Variants in PALM2AKAP2 observed in about 807,000 individuals in gnomAD.
PALM2AKAP2 encodes the protein PALM2 and AKAP2 fusion, also known as PALM2-AKAP2 fusion protein.
Under a neutral mutation model 71.5 loss-of-function variants are expected in PALM2AKAP2, and 37 were observed. The ratio of observed to expected loss-of-function variants is 0.52; its 90% CI spans 0.40 to 0.68. The LOEUF (loss-of-function observed/expected upper bound fraction) is 0.68, where lower values mean the gene tolerates loss of function less well. Ranked by LOEUF, PALM2AKAP2 falls within the 30% of genes least tolerant of loss-of-function variation. The pLI is 0.00. For missense variants in PALM2AKAP2, 1,224 were observed against 1,191.8 expected (o/e 1.03, Z -0.40); for synonymous variants, 468 against 478.8 (o/e 0.98, Z 0.29).
intron 1 of PALM2AKAP2, among the ~76,000 whole-genome samples, chr9:109,751,152 C>T (rs1019960055): frequency 6.6e-6 from 1 of 152,122 alleles, no homozygotes; most frequent in Non-Finnish European, 1.5e-5. Context: ...GTATTCCACT[C>T]AGAAAATGTC....
intron 3 of PALM2AKAP2, among the ~76,000 whole-genome samples, chr9:109,911,590 C>CT (rs1473539966): frequency 1.3e-5 from 2 of 152,136 alleles, no homozygotes; most frequent in African/African-American, 2.4e-5. Context: ...CAATATTGTT[C>CT]TTTTTTCTCA....
At chr9:109,698,660 C>T (rs1252319309) in intron 1 of PALM2AKAP2, among the ~76,000 whole-genome samples, 1 of 152,194 alleles carries the variant, frequency 6.6e-6, no homozygotes, top group African/African-American at 2.4e-5. Flanking sequence ...TCACTCCCGC[C>T]ACATTGGTAT....
Position 110,065,436 on chromosome 9 carries a change from A to G in PALM2AKAP2, c.156+16581A>G, listed in dbSNP as rs151067204. Among the ~76,000 whole-genome samples, 820 of 152,322 alleles carry G rather than the reference A, an allele frequency of 5.4e-3. 7 individuals are homozygous for G. Among genetic ancestry groups the G allele is most frequent in the Middle Eastern group, 0.024 (7 of 292 alleles). On this transcript the variant is annotated intron_variant, in intron 1 of 3. Coordinates refer to ENST00000374525, the Ensembl canonical transcript of PALM2AKAP2. Reference sequence around the variant, plus strand: ...TAGACAGGGTCACACCATGTTGTCCAGGCTGGTCTCAAACTCCTGAGCTCC... The same window carrying G: ...TAGACAGGGTCACACCATGTTGTCCGGGCTGGTCTCAAACTCCTGAGCTCC...
chr9:109,682,782 C>T (rs1026160914), intron 1 of PALM2AKAP2, among the ~76,000 whole-genome samples: 8 of 152,218 alleles, frequency 5.3e-5, no homozygotes, highest in African/African-American at 1.9e-4. Flanking sequence ...CCTTTCCTCT[C>T]CTTTGACTTC....
At chr9:110,025,528 G>A (rs180942952) in intron 7 of PALM2AKAP2, among the ~76,000 whole-genome samples, 1 of 152,214 alleles carries the variant, frequency 6.6e-6, no homozygotes, top group African/African-American at 2.4e-5. Flanking sequence ...GTGGACGTAG[G>A]TCTTCCTTTG....
At chr9:110,033,971 G>C (rs73657321) in intron 7 of PALM2AKAP2, among the ~76,000 whole-genome samples, 3,525 of 152,226 alleles carry the variant, frequency 0.023, 150 homozygotes, top group African/African-American at 0.081. Flanking sequence ...TTAAAGACTA[G>C]GAATCTGAGG....
rs199716669 is a variant in PALM2AKAP2 at position 110,060,563 on chromosome 9, A to AC, written c.156+11709dup. On this transcript the variant is annotated intron_variant, in intron 1 of 3. Transcript: ENST00000374525. ...TGCTGAGACAGCTGCTGTCTCCATC[A>AC]CTCTCATGAGGAAAGAGGGTCAACA... is the stretch of plus-strand genomic sequence containing the variant. Among the ~76,000 whole-genome samples, 803 of 151,570 alleles carry AC rather than the reference A, an allele frequency of 5.3e-3. 6 individuals are homozygous for AC. Among genetic ancestry groups the AC allele is most frequent in the Middle Eastern group, 0.027 (8 of 292 alleles).
At chr9:110,130,627 A>C (rs192971992) in intron 1 of PALM2AKAP2, among the ~76,000 whole-genome samples, 13 of 152,352 alleles carry the variant, frequency 8.5e-5, no homozygotes, top group Non-Finnish European at 1.5e-4. Flanking sequence ...CTAAATTTCT[A>C]GATGCTCCAA....
At chr9:109,863,305 G>A (rs1829364365) in intron 1 of PALM2AKAP2, among the ~76,000 whole-genome samples, 1 of 152,184 alleles carries the variant, frequency 6.6e-6, no homozygotes. Context: ...GTGGAAACTG[G>A]CCAGCAGAAT....
chr9:109,949,367 T>C (rs1460577914), intron 6 of PALM2AKAP2, among the ~76,000 whole-genome samples: 2 of 152,238 alleles, frequency 1.3e-5, no homozygotes, highest in Non-Finnish European at 2.9e-5. Flanking sequence ...AATTCTATGA[T>C]TGAGCCATGA....
chr9:109,682,411 C>G (rs2118521466), intron 1 of PALM2AKAP2, among the ~76,000 whole-genome samples: 1 of 152,310 alleles, frequency 6.6e-6, no homozygotes, highest in South Asian at 2.1e-4. Context: ...ATGTTTCTCT[C>G]AGAATCATCT....
rs532776205 is a variant in PALM2AKAP2, at chr9:109,683,243, A to G, written c.5+42377A>G. Among the ~76,000 whole-genome samples, 76 of 152,310 alleles carry G rather than the reference A, an allele frequency of 5.0e-4. 1 individual carries two copies. The highest frequency in any genetic ancestry group is 1.8e-3 in the African/African-American group (74 of 41,568). ...TGAGCCAATTAAACCTCTTTTCTTT[A>G]TAAATTACCCAATTTCAGGTATTTC... On this transcript the variant is annotated intron_variant, in intron 1 of 6. Transcript: ENST00000374531.
chr9:110,134,385 TC>T (rs879905781), intron 1 of PALM2AKAP2, among the ~76,000 whole-genome samples: 64 of 152,302 alleles, frequency 4.2e-4, no homozygotes, highest in Non-Finnish European at 8.7e-4. Flanking sequence ...TAAGTATCAC[TC>T]CTTAACAAAG....
chr9:110,039,492 T>C (rs260201), intron 7 of PALM2AKAP2, among the ~76,000 whole-genome samples: 101,467 of 151,980 alleles, frequency 0.67, 34,441 homozygotes, highest in African/African-American at 0.8. Flanking sequence ...TAAGGTCACA[T>C]AGCCAGTAAG....
At chr9:110,016,775 T>A (rs1025715858) in intron 7 of PALM2AKAP2, among the ~76,000 whole-genome samples, 1 of 152,260 alleles carries the variant, frequency 6.6e-6, no homozygotes, top group Non-Finnish European at 1.5e-5. Context: ...GGGAGGGCTT[T>A]CTAACATTCT....
chr9:109,788,165 G>A (rs1185531667), intron 1 of PALM2AKAP2, among the ~76,000 whole-genome samples: 4 of 152,142 alleles, frequency 2.6e-5, no homozygotes, highest in Non-Finnish European at 4.4e-5. Flanking sequence ...ACCACATCAA[G>A]TCAGCACCTT....
At chr9:109,833,279 T>A (rs773689483) in intron 1 of PALM2AKAP2, among the ~76,000 whole-genome samples, 2 of 152,136 alleles carry the variant, frequency 1.3e-5, no homozygotes. Context: ...TGCTTGAACC[T>A]GGGAGGCGGA....
intron 7 of PALM2AKAP2, among the ~76,000 whole-genome samples, chr9:110,031,540 G>A (rs768903482): frequency 3.3e-5 from 5 of 152,186 alleles, no homozygotes; most frequent in East Asian, 3.8e-4. Context: ...CATGTGTCAG[G>A]TAGTGCTCTG....
At position 109,880,309 on chromosome 9, in the gene PALM2AKAP2, A is replaced by G. The variant is rs541447316; in HGVS notation, c.127-242A>G. ...ATAATTGTTAAATCTAGATGAGGTT[A>G]CATGGTCATTCATTATACAGTTCTA... On this transcript the variant is annotated intron_variant, in intron 2 of 9. Transcript: ENST00000302798. Among the ~76,000 whole-genome samples, 4 of 152,352 alleles carry G rather than the reference A, an allele frequency of 2.6e-5. No homozygotes were observed. The South Asian group carries it at 8.3e-4, about 32-fold the overall frequency.
Sources: gnomAD v4.1 joint callset for allele counts (sites outside exome capture counted in the v4.1 genomes callset) on GRCh38, gnomAD v4.1.1 for gene constraint, MANE v1.5 for transcripts, NCBI Gene and HGNC (gene_info 2026-07-23, HGNC 2026-07-21) for gene names.